MAK: variants seen among roughly 807,000 people sequenced by gnomAD.
MAK encodes the protein male germ cell associated kinase, also known as serine/threonine-protein kinase MAK.
A neutral mutation model predicts 82.6 loss-of-function variants in MAK; 65 were observed. The observed-to-expected ratio is 0.79, with a 90% CI of 0.64 to 0.97. The LOEUF is 0.97. MAK is among the 50% of genes least tolerant of loss of function. The probability of loss-of-function intolerance (pLI) is 0.00; values close to 1 mark genes in which losing one functional copy is unlikely to be tolerated. For missense variants in MAK, 703 were observed against 780.2 expected (o/e 0.90, Z 1.18); for synonymous variants, 250 against 274.2 (o/e 0.91, Z 0.87).
chr6:10,803,904 A>C lies in MAK; in HGVS notation c.492-13T>G, dbSNP rs1266648419. The C allele has an allele frequency of 6.2e-7, 1 of 1,612,388 alleles. No individual in the cohort carries two copies. The highest frequency in any genetic ancestry group is 8.5e-7 in the Non-Finnish European group (1 of 1,178,580). ...AGGGGCACGATACCTATGAAAATAG[A>C]GAACAAAAGAGGTAATTTTGATTGC... On this transcript the variant is annotated splice_polypyrimidine_tract_variant and intron_variant, in intron 6 of 14. Transcript: ENST00000354489.
chr6:10,783,989 A>T (rs1169372536), intron 11 of MAK, among the ~76,000 whole-genome samples: 1 of 152,212 alleles, frequency 6.6e-6, no homozygotes, highest in Non-Finnish European at 1.5e-5. Context: ...ACTGCACTCC[A>T]GCCTGGGCGA....
At position 10,808,741 on chromosome 6, in the gene MAK, T is replaced by C. The variant is rs890411474; in HGVS notation, c.491+69A>G. The C allele has an allele frequency of 2.1e-6, 3 of 1,444,424 alleles. No individual in the cohort carries two copies. In the African/African-American group the frequency reaches 4.2e-5, roughly 20 times the overall value. The allele number at this position is 1,444,424 out of a possible 1,614,324, so 89.5% of individuals were successfully genotyped here. On this transcript the variant is annotated intron_variant, in intron 6 of 14. Coordinates refer to ENST00000354489, the MANE Select transcript of MAK (RefSeq NM_001242957.3). Reference sequence around the variant, plus strand: ...TCAATATGGAACTTCCAGAAATATGTAACAATCCATCGTAGGAAAATTTCA... The same window carrying C: ...TCAATATGGAACTTCCAGAAATATGCAACAATCCATCGTAGGAAAATTTCA...
intron 8 of MAK, among the ~76,000 whole-genome samples, chr6:10,799,369 T>C (rs1334914350): frequency 6.6e-6 from 1 of 152,244 alleles, no homozygotes; most frequent in African/African-American, 2.4e-5. Flanking sequence ...CCTGTGTTTC[T>C]TTTTCATGTC....
intron 14 of MAK, among the ~76,000 whole-genome samples, chr6:10,768,918 T>C (rs1388994944): frequency 6.6e-6 from 1 of 152,182 alleles, no homozygotes; most frequent in East Asian, 1.9e-4. Flanking sequence ...AACTTTTAAA[T>C]TAAACTACAG....
chr6:10,815,687 C>G (rs974937612), intron 4 of MAK, among the ~76,000 whole-genome samples: 11 of 151,930 alleles, frequency 7.2e-5, no homozygotes, highest in African/African-American at 2.7e-4. Flanking sequence ...TCTCAAACTC[C>G]TGGGGCTCAA....
At chr6:10,778,508 C>T (rs754856215) in intron 11 of MAK, among the ~76,000 whole-genome samples, 4 of 152,094 alleles carry the variant, frequency 2.6e-5, no homozygotes, top group Non-Finnish European at 4.4e-5. Context: ...ACATGCTTAG[C>T]GTTCCAATAA....
chr6:10,783,523 C>T (rs1257560248), intron 11 of MAK, among the ~76,000 whole-genome samples: 3 of 152,206 alleles, frequency 2.0e-5, no homozygotes, highest in Non-Finnish European at 4.4e-5. Context: ...ATTCTTTCCA[C>T]CAATCTACCC....
In MAK at chr6:10,800,110, A is replaced by G. The variant is rs958818708; in HGVS notation, c.831+1782T>C. Among the ~76,000 whole-genome samples the G allele has an allele frequency of 8.6e-5, 13 of 151,986 alleles. No individual in the cohort carries two copies. The highest frequency in any genetic ancestry group is 3.1e-4 in the African/African-American group (13 of 41,386). On this transcript the variant is annotated intron_variant, in intron 8 of 14. Coordinates refer to ENST00000354489, the MANE Select transcript of MAK (RefSeq NM_001242957.3). This position sits in a 1 kb window ranked among gnomAD's most constrained non-coding sequence, Gnocchi z 4.2. ...AAACCCCTCTGGTCTCTACAAAAAT[A>G]CAAAAATAAGCCAAGCGTGGTGGCG...
chr6:10,769,113 C>T (rs752286371), intron 14 of MAK, among the ~76,000 whole-genome samples: 4 of 152,088 alleles, frequency 2.6e-5, no homozygotes, highest in African/African-American at 9.7e-5. Flanking sequence ...ACTCAGAAGG[C>T]GGAGGCAGGA....
intron 1 of MAK, among the ~76,000 whole-genome samples, chr6:10,832,655 C>A (rs573003230): frequency 6.6e-6 from 1 of 152,032 alleles, no homozygotes; most frequent in Non-Finnish European, 1.5e-5. Flanking sequence ...CAAGCTACTA[C>A]ACCCAGCTAT....
intron 5 of MAK, among the ~76,000 whole-genome samples, chr6:10,811,763 T>A (rs944228812): frequency 1.3e-5 from 2 of 152,234 alleles, no homozygotes; most frequent in Non-Finnish European, 1.5e-5. Flanking sequence ...AGTTTTTTTT[T>A]AATGTTCTTA....
At chr6:10,802,145 A>G in intron 7 of MAK, 86 bp from the exon 8 acceptor site, 1 of 983,114 alleles carries the variant, frequency 1.0e-6, no homozygotes, top group East Asian at 2.4e-5. Flanking sequence ...CAGTAATATA[A>G]ACATCATTTA....
intron 10 of MAK, among the ~76,000 whole-genome samples, chr6:10,789,695 T>G (rs189787653): frequency 2.0e-5 from 3 of 152,244 alleles, no homozygotes; most frequent in Admixed American, 6.5e-5. Flanking sequence ...AGTCTCACTC[T>G]CACTCAGGCT....
At chr6:10,782,202 TCACACACACACACACA>T (rs746386493) in intron 11 of MAK, among the ~76,000 whole-genome samples, 4,271 of 145,674 alleles carry the variant, frequency 0.029, 88 homozygotes, top group African/African-American at 0.045. Context: ...TGAAACTCTG[TCACACACACACACACA>T]CACACACACA....
chr6:10,766,599 T>A, intron 14 of MAK, among the ~76,000 whole-genome samples: 1 of 152,224 alleles, frequency 6.6e-6, no homozygotes, highest in East Asian at 1.9e-4. Flanking sequence ...GCCATTGGAA[T>A]AGAAACGAGC....
intron 4 of MAK, among the ~76,000 whole-genome samples, chr6:10,814,459 A>C (rs772064741): frequency 2.0e-5 from 3 of 148,144 alleles, no homozygotes. Flanking sequence ...GCTTAAGCCC[A>C]AGAGTTCAAG....
At chr6:10,798,392 T>C (rs1057462529) in intron 8 of MAK, among the ~76,000 whole-genome samples, 20 of 152,202 alleles carry the variant, frequency 1.3e-4, no homozygotes, top group Admixed American at 1.2e-3. Context: ...GGATTACAGG[T>C]ATGAGCCACT....
In MAK at chr6:10,818,012, A is replaced by C. The variant is rs143373783; in HGVS notation, c.157-41T>G. On this transcript the variant is annotated intron_variant, in intron 3 of 14. Transcript: ENST00000354489. The stretch of plus-strand genomic sequence containing the variant: ...TATGCCTTAAAATTTCTTAAAAAAA[A>C]CTTACAGAATTTGGCAAAATTGCAT... 392 of 1,338,580 alleles carry C rather than the reference A, an allele frequency of 2.9e-4. 2 individuals carry two copies. The African/African-American group carries it at 4.5e-3, about 15-fold the overall frequency. 82.9% of individuals were successfully genotyped at this position (1,338,580 alleles called of 1,614,324 possible). A position where few individuals can be genotyped will look rare whatever the true frequency, so the allele number is the denominator to read the frequency against.
chr6:10,772,551 G>A (rs1220442751), intron 13 of MAK, among the ~76,000 whole-genome samples: 1 of 151,864 alleles, frequency 6.6e-6, no homozygotes, highest in Non-Finnish European at 1.5e-5. Context: ...CATCATGTTG[G>A]CCAGGATGGT....
Sources: gnomAD v4.1 joint callset for allele counts (sites outside exome capture counted in the v4.1 genomes callset) on GRCh38, gnomAD v4.1.1 for gene constraint, Gnocchi (gnomAD v3.1) non-coding constraint, MANE v1.5 for transcripts, NCBI Gene and HGNC (gene_info 2026-07-23, HGNC 2026-07-21) for gene names.